Variants in FANCI observed in about 807,000 individuals in gnomAD.
FANCI encodes the protein FA complementation group I, also known as Fanconi anemia group I protein.
A neutral mutation model predicts 176.1 loss-of-function variants in FANCI; 156 were observed. That is an observed-to-expected ratio of 0.89 (90% CI 0.78 to 1.01). The LOEUF is 1.01. Among genes scored for constraint, FANCI ranks in the 50% least tolerant of loss-of-function variants. FANCI has a pLI of 0.00. For missense variants in FANCI, 1,678 were observed against 1,534.1 expected (o/e 1.09, Z -1.57); for synonymous variants, 613 against 541.7 (o/e 1.13, Z -1.83).
chr15:89,296,978 C>T (rs2054311423), intron 24 of FANCI, among the ~76,000 whole-genome samples: 3 of 150,774 alleles, frequency 2.0e-5, no homozygotes, highest in East Asian at 2.0e-4. Flanking sequence ...CTGACCCCCC[C>T]CACCTCCCTC....
At chr15:89,301,823 T>C (rs187945685) in intron 27 of FANCI, among the ~76,000 whole-genome samples, 1 of 152,354 alleles carries the variant, frequency 6.6e-6, no homozygotes, top group Admixed American at 6.5e-5. Flanking sequence ...AAGAAGGCAG[T>C]TGACATTCAG....
At chr15:89,304,042 C>T (rs2054621383) in intron 28 of FANCI, 127 bp downstream of exon 28, 3 of 849,084 alleles carry the variant, frequency 3.5e-6, no homozygotes, top group Admixed American at 2.0e-5. Context: ...GAAACAGACA[C>T]CTAATACCAA....
chr15:89,312,848 T>C lies in FANCI; in HGVS notation c.3652-56T>C, dbSNP rs1007710653. 5.0e-6 allele frequency: 7 copies of C among 1,393,980 alleles called. No individual in the cohort carries two copies. The African/African-American group carries it at 1.0e-4, about 20-fold the overall frequency. 86.4% of individuals were successfully genotyped at this position (1,393,980 alleles called of 1,614,324 possible). On this transcript the variant is annotated intron_variant, in intron 34 of 37. Transcript: ENST00000310775. Reference sequence around the variant, plus strand: ...AAAAAAAAAAAAATTAGCACTAGCATGCTAGCTCCACAGAAAAATCATCAG... The same window carrying C: ...AAAAAAAAAAAAATTAGCACTAGCACGCTAGCTCCACAGAAAAATCATCAG...
chr15:89,281,657 A>G (rs1483422859), intron 15 of FANCI, 108 bp from the exon 16 acceptor site: 5 of 1,029,550 alleles, frequency 4.9e-6, no homozygotes, highest in Non-Finnish European at 7.6e-6. Context: ...CGTATATAAA[A>G]CAGAAGTAAG....
chr15:89,259,887 T>C (rs1199016342), intron 3 of FANCI, among the ~76,000 whole-genome samples: 5 of 152,216 alleles, frequency 3.3e-5, no homozygotes, highest in Admixed American at 3.3e-4. Context: ...CATTCATGAG[T>C]TGATGAAGAC....
chr15:89,245,013 A>C (rs1019418554), intron 1 of FANCI, among the ~76,000 whole-genome samples: 5 of 152,164 alleles, frequency 3.3e-5, no homozygotes, highest in African/African-American at 1.2e-4. Context: ...CCGTGTCCTT[A>C]GGGGACTTAT....
intron 37 of FANCI, 115 bp downstream of exon 37, chr15:89,315,504 G>C: frequency 1.3e-6 from 1 of 745,542 alleles, no homozygotes; most frequent in Non-Finnish European, 2.4e-6. Flanking sequence ...GCTAAAAGGT[G>C]ATCAGGCAAA....
intron 10 of FANCI, among the ~76,000 whole-genome samples, chr15:89,272,244 C>T (rs1005892516): frequency 6.6e-6 from 1 of 152,046 alleles, no homozygotes; most frequent in African/African-American, 2.4e-5. Flanking sequence ...GTTCTAATAC[C>T]TTCTTTGGTG....
At chr15:89,288,493 T>C (rs905118293) in intron 18 of FANCI, among the ~76,000 whole-genome samples, 4 of 152,218 alleles carry the variant, frequency 2.6e-5, no homozygotes, top group Non-Finnish European at 4.4e-5. Context: ...ATAAAACTTG[T>C]CATATTTGTT....
In FANCI at chr15:89,266,324, G is replaced by C. The variant is rs550682139; in HGVS notation, c.755+1717G>C. Among the ~76,000 whole-genome samples, 3 of 149,748 alleles carry C rather than the reference G, an allele frequency of 2.0e-5. No homozygotes were observed. In the South Asian group the frequency reaches 6.3e-4, roughly 32 times the overall value. Reference sequence around the variant, plus strand: ...TTACAGGCACCCACCACTATGCCTGGCTAATTTTTTTTTTTTTTTTTTGAG... The same window carrying C: ...TTACAGGCACCCACCACTATGCCTGCCTAATTTTTTTTTTTTTTTTTTGAG... On this transcript the variant is annotated intron_variant, in intron 9 of 37. Coordinates refer to ENST00000310775, the MANE Select transcript of FANCI (RefSeq NM_001113378.2).
rs75924197 is a variant in FANCI, at chr15:89,278,467, T to C, written c.1294-220T>C. On this transcript the variant is annotated intron_variant, in intron 13 of 37. Coordinates refer to ENST00000310775, the MANE Select transcript of FANCI (RefSeq NM_001113378.2). ...CAATAGTTTAATGTGATCTGTACTT[T>C]TAGGCTAATAAACATGGTATTTATC... 1.5e-3 allele frequency among the ~76,000 whole-genome samples: 226 copies of C among 152,354 alleles called. 1 individual carries two copies. The highest frequency in any genetic ancestry group is 2.4e-3 in the Non-Finnish European group (161 of 68,028).
intron 8 of FANCI, 156 bp downstream of exon 8, chr15:89,264,182 T>C: frequency 2.3e-6 from 2 of 877,014 alleles, no homozygotes; most frequent in Non-Finnish European, 3.7e-6. Flanking sequence ...ATAGATGCTT[T>C]CATTTCACAT....
chr15:89,311,836 G>C (rs1393578786), intron 34 of FANCI, among the ~76,000 whole-genome samples: 1 of 152,102 alleles, frequency 6.6e-6, no homozygotes, highest in African/African-American at 2.4e-5. Flanking sequence ...TCCTAAGAAG[G>C]TTTAGAACTC....
chr15:89,273,755 G>A (rs201429979), intron 11 of FANCI, among the ~76,000 whole-genome samples: 1 of 77,368 alleles, frequency 1.3e-5, no homozygotes, highest in Admixed American at 1.4e-4. Context: ...CCCAGTTGGA[G>A]GAAGGGACAA....
intron 24 of FANCI, 126 bp downstream of exon 24, chr15:89,295,220 A>G (rs2054207381): frequency 3.5e-6 from 4 of 1,132,678 alleles, no homozygotes; most frequent in Non-Finnish European, 4.9e-6. Flanking sequence ...AGAATATAAA[A>G]CATTAGCCAG....
At position 89,283,001 on chromosome 15, in the gene FANCI, A is replaced by G. The variant is rs948630774; in HGVS notation, c.1584-135A>G. Reference sequence around the variant, plus strand: ...CTGATACCTTATTTTGAGTACATAAATTCACTTTGTTTTGCTCTACGCTTC... The same window carrying G: ...CTGATACCTTATTTTGAGTACATAAGTTCACTTTGTTTTGCTCTACGCTTC... On this transcript the variant is annotated intron_variant, in intron 16 of 37. Transcript: ENST00000310775. 2.2e-5 allele frequency: 19 copies of G among 856,832 alleles called. No individual in the cohort carries two copies. The African/African-American group carries it at 3.0e-4, about 14-fold the overall frequency. The allele number at this position is 856,832 out of a possible 1,614,324, so 53.1% of individuals were successfully genotyped here.
At chr15:89,251,370 G>T (rs1437730027) in intron 2 of FANCI, among the ~76,000 whole-genome samples, 2 of 152,190 alleles carry the variant, frequency 1.3e-5, no homozygotes, top group African/African-American at 4.8e-5. Flanking sequence ...GGAAACTTCT[G>T]TCAAACCTTT....
At chr15:89,249,430 C>T (rs2052138637) in intron 2 of FANCI, among the ~76,000 whole-genome samples, 1 of 152,226 alleles carries the variant, frequency 6.6e-6, no homozygotes, top group African/African-American at 2.4e-5. Flanking sequence ...ACACTGCAGC[C>T]TCAACCTCCT....
exon 38 of FANCI, chr15:89,317,130 TTTC>T (rs1215790394): frequency 3.4e-6 from 2 of 595,916 alleles, no homozygotes; most frequent in Non-Finnish European, 5.9e-6. Flanking sequence ...TCTTTAAACA[TTTC>T]TTCTGTGGTT....
Sources: gnomAD v4.1 joint callset for allele counts (sites outside exome capture counted in the v4.1 genomes callset) on GRCh38, gnomAD v4.1.1 for gene constraint, MANE v1.5 for transcripts, NCBI Gene and HGNC (gene_info 2026-07-23, HGNC 2026-07-21) for gene names.